Variants in PHF21A observed in about 807,000 individuals in gnomAD.
PHF21A encodes the protein PHD finger protein 21A.
A neutral mutation model predicts 82.5 loss-of-function variants in PHF21A; 11 were observed. That is an observed-to-expected ratio of 0.13 (90% confidence interval 0.08 to 0.22). The LOEUF is 0.22. Ranked by LOEUF, PHF21A falls within the 10% of genes least tolerant of loss-of-function variation. PHF21A has a pLI of 1.00. For synonymous variants in PHF21A, 297 were observed against 302.8 expected (o/e 0.98, Z 0.20); for missense variants, 579 against 837.8 (o/e 0.69, Z 3.81).
At chr11:46,100,929 C>T (rs1224696685) in intron 1 of PHF21A, among the ~76,000 whole-genome samples, 1 of 152,156 alleles carries the variant, frequency 6.6e-6, no homozygotes, top group East Asian at 1.9e-4. Flanking sequence ...CTTGACAAAC[C>T]ATTTTATAAG....
intron 6 of PHF21A, among the ~76,000 whole-genome samples, chr11:46,066,097 T>C (rs748829548): frequency 6.6e-6 from 1 of 152,228 alleles, no homozygotes; most frequent in Non-Finnish European, 1.5e-5. Context: ...CTCATAAACA[T>C]GTTGAACAAA....
intron 11 of PHF21A, among the ~76,000 whole-genome samples, chr11:45,952,765 T>C (rs1380113334): frequency 6.6e-6 from 1 of 152,248 alleles, no homozygotes; most frequent in African/African-American, 2.4e-5. Flanking sequence ...GGTTTCATTA[T>C]GAAGAAAGCA....
chr11:45,989,745 T>C (rs1169216340), intron 6 of PHF21A, among the ~76,000 whole-genome samples: 1 of 151,996 alleles, frequency 6.6e-6, no homozygotes, highest in Non-Finnish European at 1.5e-5. Flanking sequence ...ATGCCTATAA[T>C]TCCAGCACTT....
At chr11:45,961,462 T>C (rs866945043) in intron 10 of PHF21A, among the ~76,000 whole-genome samples, 20 of 152,198 alleles carry the variant, frequency 1.3e-4, no homozygotes, top group African/African-American at 3.9e-4. Flanking sequence ...TCAGCTCTGG[T>C]TGACTAACAG....
At chr11:46,110,356 T>C (rs1306577489) in intron 1 of PHF21A, among the ~76,000 whole-genome samples, 5 of 152,210 alleles carry the variant, frequency 3.3e-5, no homozygotes, top group Non-Finnish European at 5.9e-5. Flanking sequence ...GTTTCCTTTA[T>C]ACTGGCCTGG....
chr11:46,036,023 CTCTT>C (rs779271386), intron 6 of PHF21A, among the ~76,000 whole-genome samples: 3 of 152,152 alleles, frequency 2.0e-5, no homozygotes, highest in Non-Finnish European at 4.4e-5. Context: ...CAAAAAGAAA[CTCTT>C]TAAATAAGCC....
intron 18 of PHF21A, chr11:45,934,873 G>A: frequency 2.8e-6 from 1 of 357,924 alleles, no homozygotes; most frequent in South Asian, 2.1e-5. Flanking sequence ...AGAGGAAAGA[G>A]GTGTTAAATC....
rs1027004027 is a variant in PHF21A at position 45,944,764 on chromosome 11, C to T, written c.1452+1076G>A. Among the ~76,000 whole-genome samples, 4 of 152,322 alleles carry T rather than the reference C, an allele frequency of 2.6e-5. No individual in the cohort carries two copies. In the South Asian group the frequency reaches 8.3e-4, roughly 32 times the overall value. ...TATGCTATATGCCCTTAAATCCATT[C>T]CATTTTTGATCTCTTTTTAGAGATG... On this transcript the variant is annotated intron_variant, in intron 15 of 18. Transcript: ENST00000676320.
At chr11:45,958,434 A>G (rs1388569519) in intron 10 of PHF21A, among the ~76,000 whole-genome samples, 2 of 29,704 alleles carry the variant, frequency 6.7e-5, no homozygotes, top group African/African-American at 1.5e-4. Flanking sequence ...ATATATATAT[A>G]TATATATATA....
At chr11:46,049,854 C>T (rs1323067737) in intron 6 of PHF21A, among the ~76,000 whole-genome samples, 2 of 478 alleles carry the variant, frequency 4.2e-3, no homozygotes, top group South Asian at 0.2. Flanking sequence ...CTAAAAACAA[C>T]GTTAAGACTA....
chr11:46,087,209 A>G (rs2096866934), intron 3 of PHF21A, among the ~76,000 whole-genome samples: 1 of 152,262 alleles, frequency 6.6e-6, no homozygotes, highest in African/African-American at 2.4e-5. Flanking sequence ...TTAACCAAGG[A>G]TTTGTAGATA....
chr11:45,970,738 C>A, intron 8 of PHF21A: 1 of 170,152 alleles, frequency 5.9e-6, no homozygotes, highest in South Asian at 1.7e-4. Context: ...GAGTTTTCAC[C>A]AAGGCAGTAA....
intron 16 of PHF21A, among the ~76,000 whole-genome samples, chr11:45,937,062 T>A (rs2089251664): frequency 6.6e-6 from 1 of 152,166 alleles, no homozygotes; most frequent in African/African-American, 2.4e-5. Flanking sequence ...TCAAAAATCG[T>A]CAGAAGGTCA....
At chr11:46,074,694 G>A (rs957733126) in intron 6 of PHF21A, among the ~76,000 whole-genome samples, 4 of 152,132 alleles carry the variant, frequency 2.6e-5, no homozygotes, top group African/African-American at 9.7e-5. Flanking sequence ...GTAGAGACGG[G>A]GTTTTGCCAC....
At chr11:46,013,350 A>G (rs2095448009) in intron 6 of PHF21A, among the ~76,000 whole-genome samples, 1 of 152,168 alleles carries the variant, frequency 6.6e-6, no homozygotes. Flanking sequence ...GTCACTTAGT[A>G]GCTATCTCGG....
chr11:45,995,967 C>T (rs956379153), intron 6 of PHF21A, among the ~76,000 whole-genome samples: 1 of 152,030 alleles, frequency 6.6e-6, no homozygotes, highest in Non-Finnish European at 1.5e-5. Context: ...TATTTAGACA[C>T]AGGGTCTCCA....
At chr11:46,105,239 G>T (rs1020393276) in intron 1 of PHF21A, among the ~76,000 whole-genome samples, 3 of 152,140 alleles carry the variant, frequency 2.0e-5, no homozygotes, top group African/African-American at 7.2e-5. Context: ...CTACTGACAC[G>T]CTATAAACTC....
chr11:45,953,754 A>G, intron 10 of PHF21A, 129 bp from the exon 11 acceptor site: 1 of 644,224 alleles, frequency 1.6e-6, no homozygotes. Flanking sequence ...ATATTAATAA[A>G]AAGGTTAGTA....
At chr11:45,958,218 A>G (rs933262772) in intron 10 of PHF21A, among the ~76,000 whole-genome samples, 1 of 150,508 alleles carries the variant, frequency 6.6e-6, no homozygotes, top group Non-Finnish European at 1.5e-5. Context: ...CTCAAATTCC[A>G]GAAAATACAC....
Sources: allele counts gnomAD v4.1 joint callset (sites outside exome capture counted in the v4.1 genomes callset), GRCh38; gene constraint gnomAD v4.1.1; transcripts MANE v1.5; gene names NCBI Gene and HGNC (gene_info 2026-07-23, HGNC 2026-07-21).